LRP12: variants seen among roughly 807,000 people sequenced by gnomAD.
LRP12 encodes the protein low-density lipoprotein receptor-related protein 12.
LRP12 carries 14 observed loss-of-function variants against 66.0 expected under a neutral mutation model. The ratio of observed to expected loss-of-function variants is 0.21; its 90% confidence interval spans 0.14 to 0.33. The LOEUF (loss-of-function observed/expected upper bound fraction) is 0.33, where lower values mean the gene tolerates loss of function less well. Ranked by LOEUF, LRP12 falls within the 10% of genes least tolerant of loss-of-function variation. The probability of loss-of-function intolerance (pLI) is 1.00; values close to 1 mark genes in which losing one functional copy is unlikely to be tolerated. For synonymous variants in LRP12, 357 were observed against 359.1 expected, an observed-to-expected ratio of 0.99 and a Z score of 0.07; for missense variants, 889 against 1,053.4, an observed-to-expected ratio of 0.84 and a Z score of 2.16.
chr8:104,501,254 G>A (rs193234986), intron 3 of LRP12, among the ~76,000 whole-genome samples: 249 of 152,096 alleles, frequency 1.6e-3, no homozygotes, highest in African/African-American at 5.4e-3. Context: ...AGTCACTGAC[G>A]GGTGTGATCT....
chr8:104,499,439 C>T lies in LRP12; in HGVS notation c.353G>A (p.Ser118Asn). The part of the protein sequence containing the change: ...LTIETYKNIE[S>N]YRACGSTIPP... ...AATTGTGGAACCACAAGCTCTGTAA[C>T]TTTCAATATTCTTGTATGTTTCTAT... The change falls in exon 4 of 7, where the codon AGT becomes AAT. Residue 118 changes from serine to asparagine, a missense_variant. Around this residue, in one of 3 missense-constraint regions of LRP12, gnomAD observed 800 missense variants for 964.5 expected, o/e 0.83. Coordinates refer to ENST00000276654, the MANE Select transcript of LRP12 (RefSeq NM_013437.5). The T allele has an allele frequency of 1.2e-6, 2 of 1,613,544 alleles. No individual in the cohort carries two copies. Among genetic ancestry groups the T allele is most frequent in the Non-Finnish European group, 1.7e-6 (2 of 1,179,640 alleles).
intron 1 of LRP12, among the ~76,000 whole-genome samples, chr8:104,534,026 T>C (rs1351550700): frequency 1.4e-5 from 2 of 142,178 alleles, no homozygotes; most frequent in Admixed American, 7.2e-5. Context: ...AAAATGGAGA[T>C]AATACCTACC....
At position 104,588,886 on chromosome 8, in the gene LRP12, G is replaced by C; in HGVS notation, c.12C>G (p.Arg4=). The change falls in exon 1 of 7, where the codon CGC becomes CGG. Residue 4 remains arginine, a synonymous_variant. Transcript: ENST00000276654. The stretch of plus-strand genomic sequence containing the variant: ...ACCGCGGAGACTCTTTTGTGCTCCA[G>C]CGACAGGCCATAACCACAGCAGATG... MAC[R]WSTKESPRWR... The C allele has an allele frequency of 6.2e-7, 1 of 1,610,146 alleles. No homozygotes were observed. The highest frequency in any genetic ancestry group is 8.5e-7 in the Non-Finnish European group (1 of 1,178,594).
intron 3 of LRP12, chr8:104,504,141 C>G (rs1043922975): frequency 6.6e-6 from 1 of 152,042 alleles, no homozygotes; most frequent in African/African-American, 2.4e-5. Flanking sequence ...TCCAATTCAT[C>G]TACTTGTATA....
In LRP12 at chr8:104,529,976, CTGAA is replaced by C. The variant is rs573196991; in HGVS notation, c.136+1927_136+1930del. Among the ~76,000 whole-genome samples, 357 of 152,258 alleles carry C rather than the reference CTGAA, an allele frequency of 2.3e-3. 1 individual carries two copies. The highest frequency in any genetic ancestry group is 8.1e-3 in the African/African-American group (338 of 41,552). ...AAACAAAACATGATGTTGCAAAAGA[CTGAA>C]TGCGGAAACAGATATGAGAATCTAG... On this transcript the variant is annotated intron_variant, in intron 2 of 6. Coordinates refer to ENST00000276654, the MANE Select transcript of LRP12 (RefSeq NM_013437.5).
chr8:104,526,779 C>T (rs1174801330), intron 2 of LRP12, among the ~76,000 whole-genome samples: 1 of 147,320 alleles, frequency 6.8e-6, no homozygotes, highest in Non-Finnish European at 1.5e-5. Flanking sequence ...TGGGCAAGGA[C>T]TTCATGTCTA....
chr8:104,542,133 T>C (rs1811487870), intron 1 of LRP12, among the ~76,000 whole-genome samples: 1 of 152,204 alleles, frequency 6.6e-6, no homozygotes, highest in African/African-American at 2.4e-5. Context: ...TAAGGGTCCA[T>C]TTCTCCACAT....
chr8:104,565,175 C>T (rs999539793), intron 1 of LRP12, among the ~76,000 whole-genome samples: 2 of 152,084 alleles, frequency 1.3e-5, no homozygotes, highest in Non-Finnish European at 2.9e-5. Context: ...TATGTGCACA[C>T]ATATCCATAA....
At chr8:104,541,771 T>C (rs6981448) in intron 1 of LRP12, among the ~76,000 whole-genome samples, 4,669 of 152,308 alleles carry the variant, frequency 0.031, 238 homozygotes, top group African/African-American at 0.11. Context: ...TGTGGTCTTT[T>C]GTGTCTGACT....
At chr8:104,572,958 C>T (rs1374339524) in intron 1 of LRP12, among the ~76,000 whole-genome samples, 1 of 152,084 alleles carries the variant, frequency 6.6e-6, no homozygotes, top group African/African-American at 2.4e-5. Flanking sequence ...TCTAACCCAC[C>T]CACACAAAGC....
At chr8:104,564,794 A>G (rs11996303) in intron 1 of LRP12, among the ~76,000 whole-genome samples, 21,999 of 151,916 alleles carry the variant, frequency 0.14, 2,402 homozygotes, top group African/African-American at 0.31. Context: ...TTAGCTGGGC[A>G]TGGTGGCACA....
In LRP12 at chr8:104,509,041, G is replaced by A. The variant is rs903319318; in HGVS notation, c.170C>T (p.Pro57Leu). 1 of 1,613,676 alleles carries A rather than the reference G, an allele frequency of 6.2e-7. No individual in the cohort carries two copies. Among genetic ancestry groups the A allele is most frequent in the Non-Finnish European group, 8.5e-7 (1 of 1,179,822 alleles). Residue 57 changes from proline (P) to leucine (L), a missense_variant, in exon 3 of 7, where the codon CCA (proline) becomes CTA (leucine). Coordinates refer to ENST00000276654, the MANE Select transcript of LRP12 (RefSeq NM_013437.5). ...CGETPEQIRAPSGIITSPGWP... is the reference protein window; with the variant it reads ...CGETPEQIRALSGIITSPGWP... ...GCCTGGGCTTGTGATTATGCCACTT[G>A]GTGCTCGTATTTGCTCTGGAGTCTC... is the stretch of plus-strand genomic sequence containing the variant.
chr8:104,588,801 G>A lies in LRP12; in HGVS notation c.79+18C>T, dbSNP rs1394633770. On this transcript the variant is annotated intron_variant, in intron 1 of 6. Transcript: ENST00000276654. ...CAGCTTTGTTCGGTCAGCGGGGCGC[G>A]GGGACGCGGACACTTACCGTACACC... 3.1e-6 allele frequency: 5 copies of A among 1,609,524 alleles called. No homozygotes were observed. In the African/African-American group the frequency reaches 6.7e-5, roughly 22 times the overall value.
chr8:104,529,438 GA>G (rs1210320035), intron 2 of LRP12, among the ~76,000 whole-genome samples: 8 of 151,656 alleles, frequency 5.3e-5, no homozygotes, highest in Non-Finnish European at 1.2e-4. Flanking sequence ...AAATTCAGAA[GA>G]AAAAAAAGAT....
chr8:104,559,596 C>T (rs1451647908), intron 1 of LRP12, among the ~76,000 whole-genome samples: 2 of 151,542 alleles, frequency 1.3e-5, no homozygotes, highest in South Asian at 2.1e-4. Flanking sequence ...CATCTGTTCC[C>T]CAAAAGCCTA....
Position 104,491,127 on chromosome 8 carries a change from C to G in LRP12, c.2126G>C (p.Arg709Thr), listed in dbSNP as rs756217114. 6.2e-7 allele frequency: 1 copy of G among 1,614,114 alleles called. No homozygotes were observed. The highest frequency in any genetic ancestry group is 2.2e-5 in the East Asian group (1 of 44,872). The change falls in exon 7 of 7, where the codon AGG (arginine) becomes ACG (threonine). Residue 709 changes from arginine (R) to threonine (T), a missense_variant. Coordinates refer to ENST00000276654, the MANE Select transcript of LRP12 (RefSeq NM_013437.5). ...TGGGGGTTCCACACTTGTCACATCC[C>G]TTCCATTATCTGCATGACCACCTCG... ...STRGGHADNG[R>T]DVTSVEPPSV...
intron 2 of LRP12, among the ~76,000 whole-genome samples, chr8:104,513,649 G>A (rs76935060): frequency 0.031 from 4,659 of 152,166 alleles, 238 homozygotes; most frequent in African/African-American, 0.11. Context: ...ACTTGGAACT[G>A]TACTACCCAG....
In LRP12 at chr8:104,497,929, G is replaced by A. The variant is rs1588482709; in HGVS notation, c.623C>T (p.Thr208Ile). Residue 208 changes from threonine to isoleucine, a missense_variant, in exon 5 of 7, where the codon ACT becomes ATT. By Grantham distance (89) the Thr-to-Ile change is moderately conservative. Around this residue, in one of 3 missense-constraint regions of LRP12, gnomAD observed 800 missense variants for 964.5 expected, o/e 0.83. Transcript: ENST00000276654. This position sits in a 1 kb window ranked among gnomAD's most constrained non-coding sequence, Gnocchi z 4.3. ...AGCACAGGGTTGAAAAGCAGCAGCA[G>A]TTGGAGGATTTGCTTCTTTGGCACA... is the stretch of plus-strand genomic sequence containing the variant. ...EICAKEANPP[T>I]AAAFQPCAYN... The A allele has an allele frequency of 6.2e-7, 1 of 1,614,188 alleles. No individual in the cohort carries two copies. The highest frequency in any genetic ancestry group is 2.2e-5 in the East Asian group (1 of 44,870).
rs1040959058 is a variant in LRP12 at position 104,588,983 on chromosome 8, C to A, written c.-86G>T. 18 of 813,352 alleles carry A rather than the reference C, an allele frequency of 2.2e-5. No individual in the cohort carries two copies. Among genetic ancestry groups the A allele is most frequent in the Non-Finnish European group, 3.3e-5 (18 of 538,272 alleles). The allele number at this position is 813,352 out of a possible 1,614,324, so 50.4% of individuals were successfully genotyped here. ...TAGACGACGCCGACGCCGCCGCCGC[C>A]GCCGCCGCCGCCGCCGAGCCACCGG... On this transcript the variant is annotated 5_prime_UTR_variant, in exon 1 of 7. Coordinates refer to ENST00000276654, the MANE Select transcript of LRP12 (RefSeq NM_013437.5).
Sources: allele counts gnomAD v4.1 joint callset (sites outside exome capture counted in the v4.1 genomes callset), GRCh38; gene constraint gnomAD v4.1.1; regional missense constraint gnomAD v4.1.1; non-coding constraint Gnocchi (gnomAD v3.1); transcripts MANE v1.5; gene names NCBI Gene and HGNC (gene_info 2026-07-23, HGNC 2026-07-21).